The following PASD1 variants were observed in gnomAD, a reference collection of about 807,000 sequenced individuals.
PASD1 encodes PAS domain containing repressor 1.
A neutral mutation model predicts 58.8 loss-of-function variants in PASD1; 13 were observed. That is an observed-to-expected ratio of 0.22 (90% CI 0.14 to 0.35). The LOEUF is 0.35. PASD1 is among the 10% of genes least tolerant of loss of function. The pLI is 1.00. For synonymous variants in PASD1, 236 were observed against 216.7 expected, an observed-to-expected ratio of 1.09 and a Z score of -0.78; for missense variants, 734 against 568.3, an observed-to-expected ratio of 1.29 and a Z score of -2.96.
chrX:151,649,952 T>TGGAC (rs1323975342), intron 9 of PASD1, among the ~76,000 whole-genome samples: 1 of 112,417 alleles, frequency 8.9e-6, no homozygotes, highest in East Asian at 2.8e-4. Context: ...TGTATTGAAT[T>TGGAC]GTCCAAGTAT....
At chrX:151,587,726 T>G in intron 1 of PASD1, among the ~76,000 whole-genome samples, 1 of 111,757 alleles carries the variant, frequency 8.9e-6, no homozygotes, top group Admixed American at 9.5e-5. Flanking sequence ...GATGCCTGAT[T>G]CTGTTCCTGG....
intron 15 of PASD1, among the ~76,000 whole-genome samples, chrX:151,674,516 C>G (rs935252370): frequency 1.2e-4 from 14 of 112,794 alleles, no homozygotes; most frequent in African/African-American, 4.5e-4. Context: ...TCCTTTCAGA[C>G]TTATGGATCT....
At position 151,601,669 on chromosome X, in the gene PASD1, C is replaced by A. The variant is rs149578757; in HGVS notation, c.28+88C>A. The A allele has an allele frequency of 1.2e-3, 1,153 of 955,888 alleles. 8 individuals carry two copies. The African/African-American group carries it at 0.017, about 14-fold the overall frequency. The allele number at this position is 955,888 out of a possible 1,213,427, so 78.8% of individuals were successfully genotyped here. A position where few individuals can be genotyped will look rare whatever the true frequency, so the allele number is the denominator to read the frequency against. ...TTCACATCTAGCAAAATGCTACTTC[C>A]TCAGGGAAGCCTGATTCACTCAGAG... On this transcript the variant is annotated intron_variant, in intron 2 of 15. Coordinates refer to ENST00000370357, the MANE Select transcript of PASD1 (RefSeq NM_173493.3).
intron 11 of PASD1, among the ~76,000 whole-genome samples, chrX:151,667,211 C>T (rs182743157): frequency 1.8e-4 from 20 of 112,025 alleles, no homozygotes; most frequent in South Asian, 3.7e-4. Flanking sequence ...TCATATCCTT[C>T]GCCCACTTGT....
At chrX:151,582,042 A>G (rs1259509088) in intron 1 of PASD1, among the ~76,000 whole-genome samples, 1 of 88,190 alleles carries the variant, frequency 1.1e-5, no homozygotes, top group Non-Finnish European at 2.1e-5. Context: ...GCTGGAGTGC[A>G]GTGGCACGAT....
At chrX:151,583,056 G>A (rs906487364) in intron 1 of PASD1, among the ~76,000 whole-genome samples, 10 of 111,560 alleles carry the variant, frequency 9.0e-5, no homozygotes, top group African/African-American at 3.3e-4. Context: ...TGGAAATTGG[G>A]GGTGGGTGTA....
intron 1 of PASD1, among the ~76,000 whole-genome samples, chrX:151,591,348 G>A (rs1393098265): frequency 1.8e-5 from 2 of 111,138 alleles, no homozygotes; most frequent in African/African-American, 6.5e-5. Flanking sequence ...TCTATCATAC[G>A]TTTTTCCAGA....
chrX:151,652,956 TAG>T (rs774248845), intron 9 of PASD1, among the ~76,000 whole-genome samples: 2 of 110,052 alleles, frequency 1.8e-5, no homozygotes, highest in Non-Finnish European at 3.8e-5. Flanking sequence ...GGAGAATGAT[TAG>T]AGAGTTTTGA....
intron 8 of PASD1, among the ~76,000 whole-genome samples, chrX:151,631,819 A>G (rs772040751): frequency 1.8e-5 from 2 of 111,959 alleles, no homozygotes; most frequent in South Asian, 3.8e-4. Flanking sequence ...TTTTTACCAT[A>G]CTATACTATA....
chrX:151,622,607 A>ACACACACG (rs1328971938), intron 6 of PASD1, among the ~76,000 whole-genome samples: 1 of 109,850 alleles, frequency 9.1e-6, no homozygotes, highest in Non-Finnish European at 1.9e-5. Flanking sequence ...ACACACACAC[A>ACACACACG]CACACACACA....
chrX:151,665,825 C>G (rs1329210975), intron 11 of PASD1, among the ~76,000 whole-genome samples: 3 of 107,717 alleles, frequency 2.8e-5, no homozygotes, highest in Middle Eastern at 4.7e-3. Context: ...GGGTTTGTCT[C>G]TTCTAGTCCT....
chrX:151,629,334 G>A (rs887170335), intron 8 of PASD1, among the ~76,000 whole-genome samples: 2 of 110,807 alleles, frequency 1.8e-5, no homozygotes, highest in Non-Finnish European at 3.8e-5. Context: ...TGGTCAGGCT[G>A]GTCTCGAACT....
intron 8 of PASD1, among the ~76,000 whole-genome samples, chrX:151,628,785 A>G (rs1457121061): frequency 2.7e-5 from 3 of 111,730 alleles, no homozygotes; most frequent in Non-Finnish European, 5.6e-5. Context: ...CTTGGGCAGT[A>G]TGGCCATTTT....
intron 9 of PASD1, among the ~76,000 whole-genome samples, chrX:151,653,685 T>TTCCC (rs1396225972): frequency 1.9e-5 from 2 of 105,582 alleles, no homozygotes; most frequent in African/African-American, 6.9e-5. Flanking sequence ...CCTTCCTTCC[T>TTCCC]TCCTTCCCTC....
At chrX:151,591,454 A>G (rs1371265514) in intron 1 of PASD1, among the ~76,000 whole-genome samples, 1 of 112,134 alleles carries the variant, frequency 8.9e-6, no homozygotes, top group South Asian at 3.7e-4. Flanking sequence ...ATACTTCAGT[A>G]ATACAATTTG....
At chrX:151,571,089 A>G (rs1283810342) in intron 1 of PASD1, among the ~76,000 whole-genome samples, 1 of 111,890 alleles carries the variant, frequency 8.9e-6, no homozygotes, top group Non-Finnish European at 1.9e-5. Context: ...GGGATCACCC[A>G]GGTTAGGTGT....
chrX:151,626,138 A>G (rs1325831606), intron 8 of PASD1, among the ~76,000 whole-genome samples: 2 of 112,087 alleles, frequency 1.8e-5, no homozygotes, highest in African/African-American at 6.5e-5. Flanking sequence ...CTTTCAAATT[A>G]AGGTAATGCA....
intron 1 of PASD1, among the ~76,000 whole-genome samples, chrX:151,570,442 A>G (rs892152207): frequency 3.6e-5 from 4 of 112,296 alleles, no homozygotes; most frequent in African/African-American, 1.3e-4. Flanking sequence ...TAAAAAAGAA[A>G]CCTAAAATAA....
chrX:151,607,885 C>T (rs943739249), intron 3 of PASD1, among the ~76,000 whole-genome samples: 2 of 112,005 alleles, frequency 1.8e-5, no homozygotes, highest in Non-Finnish European at 3.8e-5. Flanking sequence ...GCAAAGCTAA[C>T]ATCCCTGGCT....
Sources: gnomAD v4.1 joint callset for allele counts (sites outside exome capture counted in the v4.1 genomes callset) on GRCh38, gnomAD v4.1.1 for gene constraint, MANE v1.5 for transcripts, NCBI Gene and HGNC (gene_info 2026-07-23, HGNC 2026-07-21) for gene names.